Variants in HIBCH observed in about 807,000 individuals in gnomAD.
HIBCH encodes the protein 3-hydroxyisobutyryl-CoA hydrolase, mitochondrial.
HIBCH carries 50 observed loss-of-function variants against 58.2 expected under a neutral mutation model. That is an observed-to-expected ratio of 0.86 (90% CI 0.68 to 1.09). HIBCH has a LOEUF of 1.09. Ranked by LOEUF, HIBCH falls within the 50% of genes least tolerant of loss-of-function variation. The pLI is 0.00. For missense variants in HIBCH, 450 were observed against 449.7 expected (o/e 1.00, Z -0.01); for synonymous variants, 151 against 146.9 (o/e 1.03, Z -0.20).
At chr2:190,245,092 T>C (rs1035021408) in intron 10 of HIBCH, 124 bp from the exon 11 acceptor site, 11 of 710,826 alleles carry the variant, frequency 1.5e-5, no homozygotes, top group Non-Finnish European at 2.6e-5. Flanking sequence ...TCTAACCTCT[T>C]TAACAGGACG....
At chr2:190,286,320 C>G (rs1687826071) in intron 6 of HIBCH, among the ~76,000 whole-genome samples, 1 of 152,164 alleles carries the variant, frequency 6.6e-6, no homozygotes, top group Non-Finnish European at 1.5e-5. Context: ...GTCCATTGTT[C>G]ACTGAACTTA....
intron 6 of HIBCH, among the ~76,000 whole-genome samples, chr2:190,284,175 G>C (rs762317262): frequency 9.2e-5 from 14 of 152,220 alleles, no homozygotes; most frequent in Admixed American, 2.0e-4. Context: ...TGAAGAATCA[G>C]CAGCATCTTT....
At chr2:190,297,055 T>C (rs1688125020) in intron 2 of HIBCH, 102 bp from the exon 3 acceptor site, 2 of 1,067,718 alleles carry the variant, frequency 1.9e-6, no homozygotes, top group Non-Finnish European at 2.8e-6. Context: ...ATATTAATGG[T>C]AACTAAAGGA....
intron 11 of HIBCH, among the ~76,000 whole-genome samples, chr2:190,223,093 G>A (rs1055837268): frequency 6.6e-6 from 1 of 152,162 alleles, no homozygotes; most frequent in African/African-American, 2.4e-5. Context: ...GACACAGGGA[G>A]GGGAACATCA....
Position 190,315,194 on chromosome 2 carries a change from G to A in HIBCH, c.36-4398C>T, listed in dbSNP as rs1418445002. ...GATCTCCTGACTTCTTTCTTGATCC[G>A]CCCGCCTCAGCCTCCCAAAGTGCTG... On this transcript the variant is annotated intron_variant, in intron 1 of 13. Transcript: ENST00000359678. The surrounding 1 kb of genome is among the most constrained non-coding windows in gnomAD (Gnocchi z 5.4). 1.3e-5 allele frequency among the ~76,000 whole-genome samples: 2 copies of A among 151,888 alleles called. No individual in the cohort carries two copies. The highest frequency in any genetic ancestry group is 6.6e-5 in the Admixed American group (1 of 15,252).
chr2:190,252,426 C>T, intron 7 of HIBCH, 119 bp from the exon 8 acceptor site: 1 of 817,260 alleles, frequency 1.2e-6, no homozygotes, highest in South Asian at 1.5e-5. Flanking sequence ...ACATTACAAA[C>T]ATTATTAAAC....
rs775304518 is a variant in HIBCH, at chr2:190,197,049, CAT to C, written c.*18-7054_*18-7053del. 3.3e-5 allele frequency among the ~76,000 whole-genome samples: 5 copies of C among 152,142 alleles called. No homozygotes were observed. Among genetic ancestry groups the C allele is most frequent in the Non-Finnish European group, 5.9e-5 (4 of 68,030 alleles). On this transcript the variant is annotated intron_variant, in intron 1 of 1. Coordinates refer to the HIBCH transcript ENST00000399855. The surrounding 1 kb of genome is among the most constrained non-coding windows in gnomAD (Gnocchi z 4.0). ...TTTACAGCTTTTCACTGTGGCCTCA[CAT>C]GTCAGTAGGGGCAAGGGAACTCTCT... is the stretch of plus-strand genomic sequence containing the variant.
At chr2:190,271,282 C>CT (rs35074167) in intron 6 of HIBCH, among the ~76,000 whole-genome samples, 2,150 of 83,696 alleles carry the variant, frequency 0.026, 59 homozygotes, top group African/African-American at 0.051. Context: ...CTCTACCCTA[C>CT]TTTTTTTTTT....
In HIBCH at chr2:190,286,806, G is replaced by A. The variant is rs979266724; in HGVS notation, c.438+780C>T. 2.0e-5 allele frequency among the ~76,000 whole-genome samples: 3 copies of A among 151,592 alleles called. No homozygotes were observed. In the East Asian group the frequency reaches 5.8e-4, roughly 29 times the overall value. ...AAAAGAATCCAAACACTTCCACTAA[G>A]GTGAAATTTTGAGTAACAGGTACAA... On this transcript the variant is annotated intron_variant, in intron 6 of 13. Coordinates refer to ENST00000359678, the MANE Select transcript of HIBCH (RefSeq NM_014362.4).
At chr2:190,250,404 T>C (rs1352827707) in intron 8 of HIBCH, 1 of 469,794 alleles carries the variant, frequency 2.1e-6, no homozygotes, top group South Asian at 1.6e-5. Context: ...ATGAGAGAGA[T>C]GGTTATTTAT....
downstream of HIBCH, chr2:190,200,552 G>A (rs115418818): frequency 5.7e-3 from 1,027 of 179,832 alleles, 12 homozygotes; most frequent in African/African-American, 0.022. Context: ...TATGAAAAGG[G>A]CTTTTCTAAA....
chr2:190,312,821 G>A (rs900291085), intron 1 of HIBCH, among the ~76,000 whole-genome samples: 1 of 152,192 alleles, frequency 6.6e-6, no homozygotes, highest in Non-Finnish European at 1.5e-5. Context: ...AGACTCGGCT[G>A]GGCATGGTGA....
chr2:190,312,441 A>C (rs1005969653), intron 1 of HIBCH, among the ~76,000 whole-genome samples: 1 of 152,242 alleles, frequency 6.6e-6, no homozygotes, highest in African/African-American at 2.4e-5. Context: ...GGCTGTGCAC[A>C]TGTGCAGATA....
Position 190,254,528 on chromosome 2 carries a change from C to T in HIBCH, c.518-2221G>A, listed in dbSNP as rs767405709. Among the ~76,000 whole-genome samples, 20 of 152,184 alleles carry T rather than the reference C, an allele frequency of 1.3e-4. 1 individual carries two copies. Among genetic ancestry groups the T allele is most frequent in the Non-Finnish European group, 2.2e-4 (15 of 68,032 alleles). On this transcript the variant is annotated intron_variant, in intron 7 of 13. Transcript: ENST00000359678. The surrounding 1 kb of genome is among the most constrained non-coding windows in gnomAD (Gnocchi z 5.0). ...CTGCGAAATCACTCATGCCTTCTCC[C>T]GTGAACACTGAACTCTTAGATCTGC...
chr2:190,201,351 T>C (rs1344849909), downstream of HIBCH: 3 of 166,944 alleles, frequency 1.8e-5, no homozygotes, highest in African/African-American at 7.2e-5. Flanking sequence ...GAAGAAGAAA[T>C]TAAGACATGA....
At chr2:190,287,720 T>C (rs1334874320) in intron 5 of HIBCH, 82 bp from the exon 6 acceptor site, 2 of 968,902 alleles carry the variant, frequency 2.1e-6, no homozygotes, top group Non-Finnish European at 3.2e-6. Flanking sequence ...ACATTATATA[T>C]ACTCAAGATT....
chr2:190,240,673 G>A (rs1214556661), intron 11 of HIBCH, among the ~76,000 whole-genome samples: 2 of 152,046 alleles, frequency 1.3e-5, no homozygotes, highest in Non-Finnish European at 1.5e-5. Flanking sequence ...TTGTGATTCT[G>A]GTACGTTGTG....
At chr2:190,305,691 G>C (rs1688385739) in intron 2 of HIBCH, among the ~76,000 whole-genome samples, 1 of 152,134 alleles carries the variant, frequency 6.6e-6, no homozygotes, top group South Asian at 2.1e-4. Flanking sequence ...AACTGGGTGA[G>C]AGGTACGTAA....
chr2:190,265,175 T>G (rs897229776), intron 6 of HIBCH, among the ~76,000 whole-genome samples: 1 of 107,968 alleles, frequency 9.3e-6, no homozygotes, highest in African/African-American at 3.6e-5. Context: ...AACTTTAAAA[T>G]ATATCAAAAC....
Sources: gnomAD v4.1 joint callset for allele counts (sites outside exome capture counted in the v4.1 genomes callset) on GRCh38, gnomAD v4.1.1 for gene constraint, Gnocchi (gnomAD v3.1) non-coding constraint, MANE v1.5 for transcripts, NCBI Gene and HGNC (gene_info 2026-07-23, HGNC 2026-07-21) for gene names.